PCDH7: variants seen among roughly 807,000 people sequenced by gnomAD.
The protein encoded by PCDH7 is protocadherin 7.
Under a neutral mutation model 58.9 loss-of-function variants are expected in PCDH7, and 17 were observed. That is an observed-to-expected ratio of 0.29 (90% CI 0.20 to 0.43). PCDH7 has a LOEUF of 0.43. Ranked by LOEUF, PCDH7 falls within the 20% of genes least tolerant of loss-of-function variation. The probability of loss-of-function intolerance (pLI) is 1.00; values close to 1 mark genes in which losing one functional copy is unlikely to be tolerated. For missense variants in PCDH7, 1,274 were observed against 1,441.0 expected (o/e 0.88, Z 1.88); for synonymous variants, 664 against 616.4 (o/e 1.08, Z -1.14).
intron 3 of PCDH7, among the ~76,000 whole-genome samples, chr4:31,038,237 A>G (rs1363363960): frequency 5.9e-5 from 9 of 152,222 alleles, no homozygotes; most frequent in Admixed American, 3.3e-4. Context: ...TTTAAGATTT[A>G]TCAGTACCAA....
At chr4:31,127,013 A>G (rs1718392554) in intron 3 of PCDH7, among the ~76,000 whole-genome samples, 1 of 152,206 alleles carries the variant, frequency 6.6e-6, no homozygotes, top group Non-Finnish European at 1.5e-5. Context: ...ATCTGTTTAC[A>G]CCATGAAATC....
At chr4:31,081,264 G>A (rs1335363299) in intron 3 of PCDH7, among the ~76,000 whole-genome samples, 3 of 152,174 alleles carry the variant, frequency 2.0e-5, no homozygotes, top group Non-Finnish European at 4.4e-5. Context: ...TAAATAGTAA[G>A]CAGACTTTCT....
At chr4:31,126,052 A>G (rs956011202) in intron 3 of PCDH7, among the ~76,000 whole-genome samples, 4 of 151,978 alleles carry the variant, frequency 2.6e-5, no homozygotes, top group African/African-American at 9.7e-5. Context: ...TCTTTGTGCC[A>G]TAGCTTCCTC....
chr4:30,897,514 G>A (rs903711662), intron 1 of PCDH7, among the ~76,000 whole-genome samples: 1 of 151,798 alleles, frequency 6.6e-6, no homozygotes, highest in African/African-American at 2.4e-5. Context: ...TATAAAATAA[G>A]GGATTAATAT....
At chr4:30,867,720 A>G (rs563369492) in intron 1 of PCDH7, among the ~76,000 whole-genome samples, 1 of 152,032 alleles carries the variant, frequency 6.6e-6, no homozygotes, top group Non-Finnish European at 1.5e-5. Flanking sequence ...ATGCAGTGTG[A>G]TGTGGAATAT....
intron 3 of PCDH7, among the ~76,000 whole-genome samples, chr4:30,955,707 C>T (rs1456538478): frequency 6.6e-6 from 1 of 151,658 alleles, no homozygotes; most frequent in Non-Finnish European, 1.5e-5. Context: ...TACCACCACA[C>T]CTGGCTAATT....
intron 1 of PCDH7, among the ~76,000 whole-genome samples, chr4:30,896,037 G>T (rs1435928798): frequency 6.6e-6 from 1 of 152,074 alleles, no homozygotes; most frequent in Admixed American, 6.6e-5. Context: ...GAATAATTTT[G>T]ACTACATAAA....
intron 1 of PCDH7, among the ~76,000 whole-genome samples, chr4:30,874,460 T>A (rs921221554): frequency 2.0e-5 from 3 of 151,494 alleles, no homozygotes; most frequent in Non-Finnish European, 2.9e-5. Flanking sequence ...AAACACTGCA[T>A]GTTCTCACTC....
At chr4:31,035,247 C>CTTTTTT (rs35099580) in intron 3 of PCDH7, among the ~76,000 whole-genome samples, 93 of 99,358 alleles carry the variant, frequency 9.4e-4, no homozygotes, top group Non-Finnish European at 1.2e-3. Context: ...CCTTTTTTCC[C>CTTTTTT]TTTTTTTTTT....
intron 3 of PCDH7, among the ~76,000 whole-genome samples, chr4:30,995,808 C>T (rs548336565): frequency 6.6e-6 from 1 of 152,200 alleles, no homozygotes; most frequent in South Asian, 2.1e-4. Context: ...CCATATTGAG[C>T]CTTATACTTC....
intron 1 of PCDH7, among the ~76,000 whole-genome samples, chr4:30,909,583 C>T (rs1431515442): frequency 6.6e-6 from 1 of 152,090 alleles, no homozygotes; most frequent in Non-Finnish European, 1.5e-5. Flanking sequence ...GCAATTGCTA[C>T]AAAGAGAATA....
At chr4:31,087,698 T>C (rs774303697) in intron 3 of PCDH7, among the ~76,000 whole-genome samples, 11 of 152,156 alleles carry the variant, frequency 7.2e-5, no homozygotes, top group Non-Finnish European at 1.5e-4. Flanking sequence ...GAAACCAATA[T>C]GAAGGGAACT....
At chr4:31,029,542 T>C (rs1294459970) in intron 3 of PCDH7, among the ~76,000 whole-genome samples, 1 of 152,172 alleles carries the variant, frequency 6.6e-6, no homozygotes, top group African/African-American at 2.4e-5. Flanking sequence ...GAAATAGCGG[T>C]GCTATTATAA....
At chr4:30,936,926 G>A (rs1745409327) in intron 2 of PCDH7, among the ~76,000 whole-genome samples, 1 of 151,320 alleles carries the variant, frequency 6.6e-6, no homozygotes, top group Non-Finnish European at 1.5e-5. Context: ...TAGTTATATC[G>A]CTTTTGACTG....
chr4:30,929,107 C>T (rs1026609824), intron 2 of PCDH7, among the ~76,000 whole-genome samples: 16 of 152,008 alleles, frequency 1.1e-4, no homozygotes, highest in South Asian at 2.1e-4. Flanking sequence ...AATAATAACC[C>T]GTAAATAATC....
chr4:30,721,524 C>A lies in PCDH7; in HGVS notation c.102C>A (p.Leu34=). 2 of 1,601,664 alleles carry A rather than the reference C, an allele frequency of 1.2e-6. No homozygotes were observed. The highest frequency in any genetic ancestry group is 1.7e-6 in the Non-Finnish European group (2 of 1,179,544). ...GCCTGGCGGCCGCCAAGCAGCTCCT[C>A]CGGTACCGGCTGGCCGAGGAGGGCC... The change falls in exon 1 of 2, where the codon CTC becomes CTA. Residue 34 remains leucine, a synonymous_variant. Coordinates refer to ENST00000361762, the Ensembl canonical transcript of PCDH7. This position sits in a 1 kb window ranked among gnomAD's most constrained non-coding sequence, Gnocchi z 6.7.
intron 2 of PCDH7, among the ~76,000 whole-genome samples, chr4:30,928,104 T>G (rs1038662748): frequency 3.3e-5 from 5 of 152,122 alleles, no homozygotes; most frequent in Non-Finnish European, 7.4e-5. Context: ...TCCTACTAAG[T>G]AACTGGGATT....
At chr4:31,091,439 G>A (rs1442346034) in intron 3 of PCDH7, among the ~76,000 whole-genome samples, 6 of 151,550 alleles carry the variant, frequency 4.0e-5, no homozygotes, top group Non-Finnish European at 8.9e-5. Context: ...AATTTGAAAA[G>A]GAACTTGAAT....
chr4:30,956,322 G>T (rs1747866023), intron 3 of PCDH7, among the ~76,000 whole-genome samples: 1 of 151,982 alleles, frequency 6.6e-6, no homozygotes, highest in Non-Finnish European at 1.5e-5. Context: ...CCTGGATTTG[G>T]TGATAAAATT....
Sources: allele counts gnomAD v4.1 joint callset (sites outside exome capture counted in the v4.1 genomes callset), GRCh38; gene constraint gnomAD v4.1.1; non-coding constraint Gnocchi (gnomAD v3.1); transcripts MANE v1.5; gene names NCBI Gene and HGNC (gene_info 2026-07-23, HGNC 2026-07-21).